Variants in CHRNA7 observed in about 807,000 individuals in gnomAD.
The protein encoded by CHRNA7 is cholinergic receptor nicotinic alpha 7 subunit.
In CHRNA7, 17 loss-of-function variants were observed where a neutral mutation model predicts 48.0. That is an observed-to-expected ratio of 0.35 (90% CI 0.24 to 0.53). The LOEUF (loss-of-function observed/expected upper bound fraction) is 0.53, where lower values mean the gene tolerates loss of function less well. Among genes scored for constraint, CHRNA7 ranks in the 20% least tolerant of loss-of-function variants. CHRNA7 has a pLI of 0.92. For missense variants in CHRNA7, 155 were observed against 577.7 expected, an observed-to-expected ratio of 0.27 and a Z score of 7.50; for synonymous variants, 75 against 242.3, an observed-to-expected ratio of 0.31 and a Z score of 6.41.
intron 2 of CHRNA7, among the ~76,000 whole-genome samples, chr15:32,066,868 G>A (rs1368858177): frequency 6.6e-6 from 1 of 152,024 alleles, no homozygotes; most frequent in African/African-American, 2.4e-5. Flanking sequence ...TTTGATTCTG[G>A]AGTTAAAAAT....
At chr15:32,101,049 C>T (rs2141260272) in intron 2 of CHRNA7, 2 of 410,720 alleles carry the variant, frequency 4.9e-6, no homozygotes, top group Middle Eastern at 5.9e-4. Flanking sequence ...GGTAAGGTTG[C>T]AGAGTTTTAA....
At chr15:32,055,737 T>C (rs1238298471) in intron 2 of CHRNA7, among the ~76,000 whole-genome samples, 1 of 152,190 alleles carries the variant, frequency 6.6e-6, no homozygotes, top group Non-Finnish European at 1.5e-5. Flanking sequence ...CCCAGCACTT[T>C]GGGAGGCCGA....
At position 32,094,990 on chromosome 15, in the gene CHRNA7, A is replaced by G. The variant is rs539521587; in HGVS notation, c.196-6313A>G. On this transcript the variant is annotated intron_variant, in intron 2 of 9. Transcript: ENST00000306901. The stretch of plus-strand genomic sequence containing the variant: ...CTGCTACCTATTCAGTCCTTGCAGC[A>G]TGCTGCAGAGAGAGCAATTGATAGC... Among the ~76,000 whole-genome samples, 22 of 152,358 alleles carry G rather than the reference A, an allele frequency of 1.4e-4. No individual in the cohort carries two copies. In the South Asian group the frequency reaches 4.1e-3, roughly 29 times the overall value.
chr15:32,042,803 T>C (rs2049473025), intron 2 of CHRNA7, among the ~76,000 whole-genome samples: 1 of 152,222 alleles, frequency 6.6e-6, no homozygotes, highest in Non-Finnish European at 1.5e-5. Context: ...CCTTTTTACT[T>C]GTTAGGACAA....
intron 2 of CHRNA7, among the ~76,000 whole-genome samples, chr15:32,060,015 A>T (rs62003561): frequency 0.018 from 2,675 of 151,604 alleles, 42 homozygotes; most frequent in Non-Finnish European, 0.026. Flanking sequence ...TACCACCCAC[A>T]AATTATCTGA....
At chr15:32,034,450 GC>G (rs1373467522) in intron 2 of CHRNA7, among the ~76,000 whole-genome samples, 2 of 152,170 alleles carry the variant, frequency 1.3e-5, no homozygotes, top group Non-Finnish European at 2.9e-5. Flanking sequence ...AGAATTATAT[GC>G]TCTAGAAGCA....
chr15:32,031,017 C>G lies in CHRNA7; in HGVS notation c.175C>G (p.Leu59Val). 6.2e-7 allele frequency: 1 copy of G among 1,614,216 alleles called. No homozygotes were observed. The highest frequency in any genetic ancestry group is 8.5e-7 in the Non-Finnish European group (1 of 1,180,016). ...QPLTVYFSLS[L>V]LQIMDVDEKN... is the part of the protein sequence containing the mutation. ...ACTCACCGTCTACTTCTCCCTGAGCCTCCTGCAGATCATGGACGTGGTGAG... is the reference window on the plus strand; with the variant it reads ...ACTCACCGTCTACTTCTCCCTGAGCGTCCTGCAGATCATGGACGTGGTGAG... The change falls in exon 2 of 10, where the codon CTC becomes GTC. Residue 59 changes from leucine (L) to valine (V), a missense_variant. Coordinates refer to ENST00000306901, the MANE Select transcript of CHRNA7 (RefSeq NM_000746.6).
At chr15:32,103,292 C>A (rs936647728) in intron 3 of CHRNA7, 1 of 152,094 alleles carries the variant, frequency 6.6e-6, no homozygotes, top group Non-Finnish European at 1.5e-5. Context: ...CACCTGTAAT[C>A]CCAGCTACTC....
At chr15:32,103,516 CATT>C (rs72061190) in intron 3 of CHRNA7, among the ~76,000 whole-genome samples, 25,287 of 151,964 alleles carry the variant, frequency 0.17, 2,459 homozygotes, top group South Asian at 0.37. Flanking sequence ...CAGAACCTAA[CATT>C]AGTCAGGTGA....
chr15:32,117,069 C>T (rs1422469215), intron 4 of CHRNA7, among the ~76,000 whole-genome samples: 2 of 152,022 alleles, frequency 1.3e-5, no homozygotes, highest in Non-Finnish European at 2.9e-5. Context: ...CAACCCAGGA[C>T]AAGGATTCCT....
chr15:32,072,826 G>A (rs2050079129), intron 2 of CHRNA7, among the ~76,000 whole-genome samples: 1 of 152,244 alleles, frequency 6.6e-6, no homozygotes, highest in Non-Finnish European at 1.5e-5. Flanking sequence ...AAAATTGAAG[G>A]AAGCTTGGCA....
chr15:32,084,490 G>GA (rs2050264087), intron 2 of CHRNA7, among the ~76,000 whole-genome samples: 2 of 152,254 alleles, frequency 1.3e-5, no homozygotes, highest in African/African-American at 4.8e-5. Context: ...GCAAAGAGCA[G>GA]AGCCCCTTTA....
Position 32,111,800 on chromosome 15 carries a change from A to T in CHRNA7, c.251A>T (p.Asp84Val), listed in dbSNP as rs1194854330. The change falls in exon 4 of 10, where the codon GAT becomes GTT. Residue 84 changes from aspartate (D) to valine (V), a missense_variant. Physicochemically the swap from Asp to Val is radical, Grantham distance 152. Transcript: ENST00000306901. ...TNIWLQMSWT[D>V]HYLQWNVSEY... ...CATTGTGTGTGTCAGTCTTGGACAGATCACTATTTACAGTGGAATGTGTCA... is the reference window on the plus strand; with the variant it reads ...CATTGTGTGTGTCAGTCTTGGACAGTTCACTATTTACAGTGGAATGTGTCA... The T allele has an allele frequency of 6.2e-7, 1 of 1,610,004 alleles. No individual in the cohort carries two copies. Among genetic ancestry groups the T allele is most frequent in the Non-Finnish European group, 8.5e-7 (1 of 1,176,318 alleles).
intron 2 of CHRNA7, among the ~76,000 whole-genome samples, chr15:32,060,813 G>A (rs1367015758): frequency 6.6e-6 from 1 of 152,186 alleles, no homozygotes; most frequent in Non-Finnish European, 1.5e-5. Context: ...TGTAATGGGG[G>A]CTAATTGAGG....
At chr15:32,106,996 T>G (rs187792616) in intron 3 of CHRNA7, among the ~76,000 whole-genome samples, 3 of 152,144 alleles carry the variant, frequency 2.0e-5, no homozygotes, top group Admixed American at 6.5e-5. Flanking sequence ...CATCTCAAGG[T>G]GAAGAGCGAT....
At chr15:32,153,573 T>G (rs536200661) in intron 4 of CHRNA7, 1 of 386,402 alleles carries the variant, frequency 2.6e-6, no homozygotes, top group East Asian at 5.5e-5. Flanking sequence ...CCTCTGTTCT[T>G]CTAGACACCA....
At chr15:32,152,159 G>A (rs1350513553) in intron 4 of CHRNA7, among the ~76,000 whole-genome samples, 1 of 152,204 alleles carries the variant, frequency 6.6e-6, no homozygotes, top group Non-Finnish European at 1.5e-5. Flanking sequence ...GAAGCAGAAG[G>A]ACAGGCTAGG....
intron 2 of CHRNA7, among the ~76,000 whole-genome samples, chr15:32,059,753 A>G (rs569578637): frequency 6.6e-5 from 10 of 152,090 alleles, no homozygotes; most frequent in African/African-American, 2.2e-4. Context: ...TTTGTTTTCT[A>G]AAAGCTTCTA....
chr15:32,099,833 C>T (rs532851282), intron 2 of CHRNA7: 1 of 152,344 alleles, frequency 6.6e-6, no homozygotes, highest in South Asian at 2.1e-4. Flanking sequence ...GTTAGCTCTA[C>T]AGCTTTTCCC....
Sources: gnomAD v4.1 joint callset for allele counts (sites outside exome capture counted in the v4.1 genomes callset) on GRCh38, gnomAD v4.1.1 for gene constraint, MANE v1.5 for transcripts, NCBI Gene and HGNC (gene_info 2026-07-23, HGNC 2026-07-21) for gene names.